BET1: variants seen among roughly 807,000 people sequenced by gnomAD.
BET1 encodes the protein Bet1 golgi vesicular membrane trafficking protein, also known as BET1 homolog.
Under a neutral mutation model 13.9 loss-of-function variants are expected in BET1, and 9 were observed. That is an observed-to-expected ratio of 0.65 (90% CI 0.39 to 1.13). The LOEUF (loss-of-function observed/expected upper bound fraction) is 1.13, where lower values mean the gene tolerates loss of function less well. Among genes scored for constraint, BET1 ranks in the 50% most tolerant of loss-of-function variants. The pLI, the probability that BET1 is intolerant of heterozygous loss-of-function variation, is 0.01. For missense variants in BET1, 127 were observed against 133.6 expected (o/e 0.95, Z 0.24); for synonymous variants, 39 against 47.3 (o/e 0.82, Z 0.72).
At chr7:93,986,387 T>C (rs1373687157) in intron 4 of BET1, among the ~76,000 whole-genome samples, 3 of 152,182 alleles carry the variant, frequency 2.0e-5, no homozygotes, top group Non-Finnish European at 2.9e-5. Context: ...GATTGCCTGT[T>C]CTGAAAGTTG....
At chr7:93,968,192 A>G (rs921235727) in intron 6 of BET1, among the ~76,000 whole-genome samples, 2 of 151,886 alleles carry the variant, frequency 1.3e-5, no homozygotes, top group Admixed American at 6.6e-5. Context: ...TAATGTATTA[A>G]TAAGTCTTCA....
intron 4 of BET1, among the ~76,000 whole-genome samples, chr7:93,983,310 T>C (rs139369846): frequency 6.1e-4 from 93 of 152,322 alleles, no homozygotes; most frequent in African/African-American, 2.1e-3. Context: ...CTTCATGCCA[T>C]GACAAGATCA....
chr7:93,986,295 G>A (rs1051855730), intron 4 of BET1, among the ~76,000 whole-genome samples: 1 of 152,130 alleles, frequency 6.6e-6, no homozygotes, highest in African/African-American at 2.4e-5. Context: ...GAAAGTTTTA[G>A]CTCTGAAAAT....
At chr7:93,964,820 A>C (rs539689395) in exon 7 of BET1, 3 of 152,264 alleles carry the variant, frequency 2.0e-5, no homozygotes, top group Non-Finnish European at 4.4e-5. Context: ...AAGTCAAAAA[A>C]TAACAGATGC....
At chr7:93,987,105 GT>G (rs548863554) in intron 4 of BET1, 1 of 151,830 alleles carries the variant, frequency 6.6e-6, no homozygotes, top group Admixed American at 6.6e-5. Context: ...AAAAAAAAGG[GT>G]TTTTTTGTTT....
intron 6 of BET1, chr7:93,972,278 A>T (rs1001991173): frequency 1.3e-5 from 2 of 151,934 alleles, no homozygotes; most frequent in African/African-American, 4.8e-5. Flanking sequence ...ACCAATATGC[A>T]TGAAATGCTA....
At chr7:93,976,344 TTGTGTGTG>T (rs57913446) in intron 4 of BET1, among the ~76,000 whole-genome samples, 1 of 149,014 alleles carries the variant, frequency 6.7e-6, no homozygotes, top group African/African-American at 2.5e-5. Context: ...TATCTACTTA[TTGTGTGTG>T]TGTGTGTGTG....
chr7:93,996,084 C>A (rs1362184097), intron 3 of BET1, 181 bp downstream of exon 3: 1 of 556,684 alleles, frequency 1.8e-6, no homozygotes, highest in Non-Finnish European at 3.1e-6. Flanking sequence ...ATGCGTAAGA[C>A]GAGATGAAAA....
intron 5 of BET1, among the ~76,000 whole-genome samples, chr7:93,973,036 G>A (rs745932249): frequency 2.0e-4 from 30 of 151,808 alleles, no homozygotes; most frequent in Admixed American, 6.6e-4. Context: ...GCTCCGAAAT[G>A]AAAGAGTATC....
chr7:93,970,336 T>C (rs1351684237), intron 6 of BET1, among the ~76,000 whole-genome samples: 4 of 151,786 alleles, frequency 2.6e-5, no homozygotes, highest in African/African-American at 7.2e-5. Context: ...CTTGTCTGGG[T>C]AGGTGACAGT....
chr7:93,999,157 G>C lies in BET1; in HGVS notation c.144+13C>G. The C allele has an allele frequency of 1.9e-6, 3 of 1,580,954 alleles. No individual in the cohort carries two copies. Among genetic ancestry groups the C allele is most frequent in the Non-Finnish European group, 2.6e-6 (3 of 1,154,612 alleles). On this transcript the variant is annotated intron_variant, in intron 2 of 3. Transcript: ENST00000222547. The stretch of plus-strand genomic sequence containing the variant: ...ATGAATTAAAACACATATAATATTT[G>C]TTATATACTTACAGATTTTATAGCA...
downstream of BET1, chr7:93,992,859 A>G: frequency 4.1e-6 from 4 of 975,740 alleles, no homozygotes; most frequent in Non-Finnish European, 4.9e-6. Flanking sequence ...AACCCAGGTC[A>G]TCTAACTCAA....
intron 1 of BET1, among the ~76,000 whole-genome samples, chr7:94,003,531 T>C (rs1048167816): frequency 2.6e-5 from 4 of 152,182 alleles, no homozygotes; most frequent in Non-Finnish European, 5.9e-5. Flanking sequence ...TGCGTTACTA[T>C]AAGGGTCCAT....
chr7:94,001,644 T>C (rs1378775791), intron 1 of BET1, among the ~76,000 whole-genome samples: 1 of 152,230 alleles, frequency 6.6e-6, no homozygotes, highest in East Asian at 1.9e-4. Flanking sequence ...CAGTCAAATA[T>C]TAAAATCACC....
At chr7:93,969,716 C>T (rs928974202) in intron 6 of BET1, 2 of 151,734 alleles carry the variant, frequency 1.3e-5, no homozygotes, top group African/African-American at 4.8e-5. Context: ...TGCAATCTCA[C>T]ACGGCATATA....
chr7:93,963,189 C>T (rs1795124109), exon 7 of BET1: 1 of 151,972 alleles, frequency 6.6e-6, no homozygotes, highest in African/African-American at 2.4e-5. Context: ...AAACTCTCTC[C>T]TGTCTACTTC....
chr7:93,992,856 G>A, downstream of BET1: 6 of 970,770 alleles, frequency 6.2e-6, no homozygotes, highest in Non-Finnish European at 7.3e-6. Flanking sequence ...ATGAACCCAG[G>A]TCATCTAACT....
chr7:93,998,951 A>C (rs1795832266), intron 2 of BET1, among the ~76,000 whole-genome samples: 1 of 152,114 alleles, frequency 6.6e-6, no homozygotes, highest in Admixed American at 6.5e-5. Flanking sequence ...AGAGCTGGAG[A>C]TTTTTCTTAA....
At chr7:93,999,785 C>G in intron 1 of BET1, 1 of 436,474 alleles carries the variant, frequency 2.3e-6, no homozygotes, top group Non-Finnish European at 4.6e-6. Flanking sequence ...CAGGAAAGAG[C>G]CAAAGCAGGG....
Sources: gnomAD v4.1 joint callset for allele counts (sites outside exome capture counted in the v4.1 genomes callset) on GRCh38, gnomAD v4.1.1 for gene constraint, MANE v1.5 for transcripts, NCBI Gene and HGNC (gene_info 2026-07-23, HGNC 2026-07-21) for gene names.